VPS50: variants seen among roughly 807,000 people sequenced by gnomAD.
VPS50 encodes syndetin.
A neutral mutation model predicts 139.7 loss-of-function variants in VPS50; 70 were observed. The observed-to-expected ratio is 0.50, with a 90% confidence interval of 0.41 to 0.61. The LOEUF (loss-of-function observed/expected upper bound fraction) is 0.61, where lower values mean the gene tolerates loss of function less well. Among genes scored for constraint, VPS50 ranks in the 20% least tolerant of loss-of-function variants. The pLI is 0.00. For missense variants in VPS50, 921 were observed against 1,133.7 expected, an observed-to-expected ratio of 0.81 and a Z score of 2.69; for synonymous variants, 365 against 376.7, an observed-to-expected ratio of 0.97 and a Z score of 0.36.
intron 22 of VPS50, among the ~76,000 whole-genome samples, chr7:93,337,895 T>A (rs1346136289): frequency 1.3e-5 from 2 of 152,146 alleles, no homozygotes; most frequent in African/African-American, 4.8e-5. Flanking sequence ...TAAGTTTGCC[T>A]GATAGAATGT....
intron 2 of VPS50, among the ~76,000 whole-genome samples, chr7:93,248,379 C>T (rs960252069): frequency 1.3e-5 from 2 of 151,910 alleles, no homozygotes; most frequent in Admixed American, 6.6e-5. Context: ...TATTTTTGTA[C>T]ATCTCCCACC....
At chr7:93,263,251 G>C (rs1377868087) in intron 9 of VPS50, among the ~76,000 whole-genome samples, 1 of 152,084 alleles carries the variant, frequency 6.6e-6, no homozygotes, top group Non-Finnish European at 1.5e-5. Context: ...GAGTGAATAA[G>C]CATTTTACAT....
intron 20 of VPS50, among the ~76,000 whole-genome samples, chr7:93,315,774 C>A (rs139010172): frequency 2.3e-4 from 35 of 151,530 alleles, no homozygotes; most frequent in African/African-American, 8.5e-4. Context: ...TTAATTTCAA[C>A]ATTAAGGAAA....
At chr7:93,233,543 G>A (rs1584366350) in intron 1 of VPS50, among the ~76,000 whole-genome samples, 2 of 152,162 alleles carry the variant, frequency 1.3e-5, no homozygotes, top group South Asian at 4.1e-4. Flanking sequence ...CTTGCACAAT[G>A]CACAAATGAC....
chr7:93,251,181 A>G (rs1795314426), intron 2 of VPS50, among the ~76,000 whole-genome samples: 1 of 152,218 alleles, frequency 6.6e-6, no homozygotes, highest in African/African-American at 2.4e-5. Flanking sequence ...ATTATTGGGT[A>G]TATACCCAAA....
intron 22 of VPS50, among the ~76,000 whole-genome samples, chr7:93,337,784 A>G (rs902640232): frequency 2.0e-5 from 3 of 152,118 alleles, no homozygotes; most frequent in Admixed American, 1.3e-4. Context: ...CTTAACCTGT[A>G]CAGCATTCAT....
At chr7:93,342,354 G>A (rs1282919483) in intron 23 of VPS50, among the ~76,000 whole-genome samples, 3 of 152,194 alleles carry the variant, frequency 2.0e-5, no homozygotes, top group Non-Finnish European at 4.4e-5. Context: ...CTGATTGCTA[G>A]CACAGCAGTC....
chr7:93,264,650 A>G (rs375295163), intron 9 of VPS50, among the ~76,000 whole-genome samples: 1 of 152,196 alleles, frequency 6.6e-6, no homozygotes, highest in East Asian at 1.9e-4. Context: ...TAGTTTAGTG[A>G]AAATTGTAGG....
chr7:93,348,394 TC>T (rs1390769651), intron 23 of VPS50, among the ~76,000 whole-genome samples: 3 of 152,346 alleles, frequency 2.0e-5, no homozygotes, highest in African/African-American at 7.2e-5. Flanking sequence ...ACCCTTGTGT[TC>T]TTTTTTCAAC....
intron 8 of VPS50, 91 bp downstream of exon 8, chr7:93,258,483 G>C: frequency 1.1e-6 from 1 of 928,282 alleles, no homozygotes; most frequent in Non-Finnish European, 1.7e-6. Context: ...TTCTCAAATG[G>C]GTTTATGATA....
intron 1 of VPS50, among the ~76,000 whole-genome samples, chr7:93,237,162 T>C (rs2116764732): frequency 6.6e-6 from 1 of 150,848 alleles, no homozygotes; most frequent in Middle Eastern, 3.4e-3. Context: ...TTCACTGTGT[T>C]AGCCAGGATA....
At chr7:93,306,766 TATG>T (rs1279473798) in intron 18 of VPS50, among the ~76,000 whole-genome samples, 1 of 151,934 alleles carries the variant, frequency 6.6e-6, no homozygotes, top group Admixed American at 6.6e-5. Context: ...AATGACCCAA[TATG>T]ATTTTTATTT....
chr7:93,305,489 G>A (rs900598265), intron 17 of VPS50, among the ~76,000 whole-genome samples: 4 of 151,788 alleles, frequency 2.6e-5, no homozygotes, highest in African/African-American at 9.7e-5. Context: ...TATTGATTAG[G>A]ATTTTTGCTG....
chr7:93,237,903 T>C (rs1794865870), intron 1 of VPS50, among the ~76,000 whole-genome samples: 1 of 152,204 alleles, frequency 6.6e-6, no homozygotes, highest in African/African-American at 2.4e-5. Context: ...TCCTACCCTC[T>C]ACCCTCAGGC....
At chr7:93,326,563 C>T (rs1797786671) in intron 21 of VPS50, among the ~76,000 whole-genome samples, 3 of 151,678 alleles carry the variant, frequency 2.0e-5, no homozygotes, top group African/African-American at 4.8e-5. Flanking sequence ...ACTGAGCCAT[C>T]TACCTGCCGT....
rs191330479 is a variant in VPS50 at position 93,280,424 on chromosome 7, A to G, written c.942+4119A>G. 5.3e-5 allele frequency among the ~76,000 whole-genome samples: 8 copies of G among 152,198 alleles called. No homozygotes were observed. In the East Asian group the frequency reaches 1.4e-3, roughly 26 times the overall value. On this transcript the variant is annotated intron_variant, in intron 12 of 27. Transcript: ENST00000305866. ...TCCAAATGAAAATTCATCATACTTC[A>G]TTTCTGGAAAGGGAAAATATAAAGG...
chr7:93,256,139 A>G (rs1283904925), intron 4 of VPS50, among the ~76,000 whole-genome samples: 1 of 152,194 alleles, frequency 6.6e-6, no homozygotes, highest in East Asian at 1.9e-4. Flanking sequence ...GTCGCCATAA[A>G]TTCAGTTGAT....
rs748456599 is a variant in VPS50, at chr7:93,306,003, G to C, written c.1628G>C (p.Gly543Ala). Residue 543 changes from glycine (G) to alanine (A), a missense_variant and splice_region_variant, in exon 18 of 28, where the codon GGG (glycine) becomes GCG (alanine). Physicochemically the swap from Gly to Ala is moderately conservative, Grantham distance 60. Coordinates refer to ENST00000305866, the MANE Select transcript of VPS50 (RefSeq NM_017667.4). ...ACAGAAGATGTCTTAGCTTCTAATG[G>C]GGTATGTGGTGTATGTGAAACATAA... ...EETEDVLASN[G>A]YESDEQEKSA... The C allele has an allele frequency of 6.2e-7, 1 of 1,608,034 alleles. No individual in the cohort carries two copies. Among genetic ancestry groups the C allele is most frequent in the Non-Finnish European group, 8.5e-7 (1 of 1,175,300 alleles).
intron 9 of VPS50, among the ~76,000 whole-genome samples, chr7:93,263,759 A>C (rs1331557844): frequency 6.6e-6 from 1 of 152,222 alleles, no homozygotes; most frequent in African/African-American, 2.4e-5. Flanking sequence ...AGTTTAATAC[A>C]TGAAATGCCA....
Sources: allele counts gnomAD v4.1 joint callset (sites outside exome capture counted in the v4.1 genomes callset), GRCh38; gene constraint gnomAD v4.1.1; transcripts MANE v1.5; gene names NCBI Gene and HGNC (gene_info 2026-07-23, HGNC 2026-07-21).